The following PDE1A variants were observed in gnomAD, a reference collection of about 807,000 sequenced individuals.
The protein encoded by PDE1A is phosphodiesterase 1A, also known as dual specificity calcium/calmodulin-dependent 3',5'-cyclic nucleotide phosphodiesterase 1A.
In PDE1A, 35 loss-of-function variants were observed where a neutral mutation model predicts 61.7. The observed-to-expected ratio is 0.57, with a 90% CI of 0.43 to 0.75. PDE1A has a LOEUF of 0.75. Among genes scored for constraint, PDE1A ranks in the 30% least tolerant of loss-of-function variants. The pLI is 0.00. For synonymous variants in PDE1A, 232 were observed against 213.2 expected (o/e 1.09, Z -0.77); for missense variants, 597 against 630.6 (o/e 0.95, Z 0.57).
At chr2:182,477,647 A>G (rs182914145) in intron 2 of PDE1A, among the ~76,000 whole-genome samples, 1 of 152,002 alleles carries the variant, frequency 6.6e-6, no homozygotes, top group Admixed American at 6.6e-5. Flanking sequence ...CTGCACACAA[A>G]TTTTCACATA....
At chr2:182,531,286 T>C in the PDE1A span, among the ~76,000 whole-genome samples, 3 of 150,980 alleles carry the variant, frequency 2.0e-5, no homozygotes, top group African/African-American at 7.3e-5. Flanking sequence ...AACATGTCAA[T>C]AATTACATTA....
chr2:182,165,872 A>C (rs1467089458), downstream of PDE1A, among the ~76,000 whole-genome samples: 1 of 152,178 alleles, frequency 6.6e-6, no homozygotes, highest in Admixed American at 6.6e-5. Context: ...TTATCATGTA[A>C]CATAAGATTT....
At chr2:182,206,609 C>T (rs1479862482) in intron 7 of PDE1A, among the ~76,000 whole-genome samples, 2 of 152,176 alleles carry the variant, frequency 1.3e-5, no homozygotes, top group Non-Finnish European at 2.9e-5. Flanking sequence ...TCACTGTCTC[C>T]ATAGTTTTGC....
At chr2:182,556,901 T>C in the PDE1A span, among the ~76,000 whole-genome samples, 7 of 152,206 alleles carry the variant, frequency 4.6e-5, no homozygotes, top group Admixed American at 3.3e-4. Context: ...TAAATAAATA[T>C]TGGTGATGCA....
At chr2:182,687,544 A>T in the PDE1A span, among the ~76,000 whole-genome samples, 1 of 152,216 alleles carries the variant, frequency 6.6e-6, no homozygotes, top group African/African-American at 2.4e-5. Flanking sequence ...CGTCACCAAT[A>T]TCAAAGACCA....
intron 2 of PDE1A, among the ~76,000 whole-genome samples, chr2:182,443,463 G>T (rs929046094): frequency 6.6e-6 from 1 of 151,786 alleles, no homozygotes; most frequent in African/African-American, 2.4e-5. Context: ...TTGATCATGG[G>T]GGCGGATCTC....
At chr2:182,334,499 A>G (rs1697650131) in intron 1 of PDE1A, among the ~76,000 whole-genome samples, 1 of 152,218 alleles carries the variant, frequency 6.6e-6, no homozygotes, top group South Asian at 2.1e-4. Flanking sequence ...GTAATCCATC[A>G]CATAAACAGA....
chr2:182,341,508 T>C (rs748842186), intron 1 of PDE1A, among the ~76,000 whole-genome samples: 2 of 152,192 alleles, frequency 1.3e-5, no homozygotes, highest in Non-Finnish European at 2.9e-5. Flanking sequence ...TACCTCATAG[T>C]TCCCTTCCCT....
intron 1 of PDE1A, among the ~76,000 whole-genome samples, chr2:182,293,709 ATAAC>A (rs1273811760): frequency 6.6e-6 from 1 of 152,224 alleles, no homozygotes; most frequent in Non-Finnish European, 1.5e-5. Flanking sequence ...ATTAACAGCA[ATAAC>A]TAATAATAAA....
chr2:182,455,173 C>T (rs1473858034), intron 2 of PDE1A, among the ~76,000 whole-genome samples: 3 of 151,992 alleles, frequency 2.0e-5, no homozygotes, highest in Non-Finnish European at 4.4e-5. Context: ...CCATCACTGG[C>T]CATCAGAGAA....
intron 13 of PDE1A, among the ~76,000 whole-genome samples, chr2:182,184,986 G>C (rs1198832376): frequency 1.3e-5 from 2 of 152,092 alleles, no homozygotes; most frequent in African/African-American, 2.4e-5. Flanking sequence ...ATTTATGGTT[G>C]ACATTTGGGA....
the PDE1A span, among the ~76,000 whole-genome samples, chr2:182,699,723 A>T: frequency 6.6e-6 from 1 of 152,262 alleles, no homozygotes; most frequent in South Asian, 2.1e-4. Context: ...AAGTTTGTTT[A>T]TTTGTTTTTC....
chr2:182,512,149 C>T (rs937868393), intron 2 of PDE1A, among the ~76,000 whole-genome samples: 3 of 152,190 alleles, frequency 2.0e-5, no homozygotes, highest in South Asian at 2.1e-4. Context: ...ACATGCAAAC[C>T]CCACTGCTAC....
the PDE1A span, among the ~76,000 whole-genome samples, chr2:182,556,805 G>A: frequency 9.6e-4 from 146 of 152,048 alleles, 2 homozygotes; most frequent in Non-Finnish European, 1.3e-3. Context: ...CTATTTCTCC[G>A]TTTATTTTAT....
the PDE1A span, among the ~76,000 whole-genome samples, chr2:182,679,361 T>TC: frequency 2.7e-4 from 39 of 146,752 alleles, 1 homozygote; most frequent in African/African-American, 9.7e-4. Flanking sequence ...TTTTTTTTTT[T>TC]TTTTTTTTTT....
intron 1 of PDE1A, among the ~76,000 whole-genome samples, chr2:182,342,621 T>G (rs1698264425): frequency 6.6e-6 from 1 of 152,206 alleles, no homozygotes; most frequent in South Asian, 2.1e-4. Context: ...AGGTGGAGGT[T>G]GCAGTGAGCT....
chr2:182,206,911 T>C (rs944488514), intron 7 of PDE1A, among the ~76,000 whole-genome samples: 1 of 152,186 alleles, frequency 6.6e-6, no homozygotes, highest in Admixed American at 6.5e-5. Context: ...ATCATGATTG[T>C]AAGTTTCCTG....
At chr2:182,714,616 G>A in the PDE1A span, among the ~76,000 whole-genome samples, 1 of 151,650 alleles carries the variant, frequency 6.6e-6, no homozygotes, top group Non-Finnish European at 1.5e-5. Context: ...CCAGGCTGGT[G>A]TGCAGTGGTG....
chr2:182,312,186 TTGATG>T (rs1345619546), intron 1 of PDE1A, among the ~76,000 whole-genome samples: 1 of 152,176 alleles, frequency 6.6e-6, no homozygotes, highest in Non-Finnish European at 1.5e-5. Context: ...TTATATATTC[TTGATG>T]TAAGTCCTTT....
Sources: allele counts gnomAD v4.1 joint callset (sites outside exome capture counted in the v4.1 genomes callset), GRCh38; gene constraint gnomAD v4.1.1; transcripts MANE v1.5; gene names NCBI Gene and HGNC (gene_info 2026-07-23, HGNC 2026-07-21).